IL17RD: variants seen among roughly 807,000 people sequenced by gnomAD.
The protein encoded by IL17RD is interleukin 17 receptor D.
IL17RD carries 52 observed loss-of-function variants against 80.5 expected under a neutral mutation model. The ratio of observed to expected loss-of-function variants is 0.65; its 90% confidence interval spans 0.52 to 0.81. The LOEUF (loss-of-function observed/expected upper bound fraction) is 0.81. Among genes scored for constraint, IL17RD ranks in the 40% least tolerant of loss-of-function variants. IL17RD has a pLI of 0.00. For missense variants in IL17RD, 1,024 were observed against 955.1 expected (o/e 1.07, Z -0.95); for synonymous variants, 416 against 391.8 (o/e 1.06, Z -0.73).
chr3:57,129,280 G>A (rs1398151421), intron 1 of IL17RD, among the ~76,000 whole-genome samples: 1 of 152,140 alleles, frequency 6.6e-6, no homozygotes, highest in Non-Finnish European at 1.5e-5. Context: ...AGCCGTGAAA[G>A]GAACAGTTAC....
At chr3:57,161,747 T>C (rs1202452373) in intron 1 of IL17RD, among the ~76,000 whole-genome samples, 1 of 152,152 alleles carries the variant, frequency 6.6e-6, no homozygotes, top group Non-Finnish European at 1.5e-5. Flanking sequence ...TCAGTATGAG[T>C]GACTGACACA....
In IL17RD at chr3:57,120,256, T is replaced by C. The variant is rs746785860; in HGVS notation, c.184A>G (p.Asn62Asp). The change falls in exon 2 of 13, where the codon AAT becomes GAT. Residue 62 changes from asparagine to aspartate, a missense_variant and splice_region_variant. By Grantham distance (23) the Asn-to-Asp change is conservative. Transcript: ENST00000296318. ...TTCAGCAATAAAGGCGGTTACTTAC[T>C]GTCATATTTGAAGGTGATGTTGTAC... ...GLYNITFKYD[N>D]CTTYLNPVGK... is the part of the protein sequence containing the mutation. 20 of 1,610,196 alleles carry C rather than the reference T, an allele frequency of 1.2e-5. No individual in the cohort carries two copies. Among genetic ancestry groups the C allele is most frequent in the Admixed American group, 3.3e-5 (2 of 59,998 alleles).
intron 4 of IL17RD, among the ~76,000 whole-genome samples, chr3:57,109,897 G>C (rs1319135562): frequency 1.3e-5 from 2 of 152,326 alleles, no homozygotes; most frequent in Admixed American, 6.5e-5. Flanking sequence ...TGTTAATACT[G>C]AACCTCAGAG....
chr3:57,115,100 T>C (rs1053858052), intron 2 of IL17RD, among the ~76,000 whole-genome samples: 1 of 152,166 alleles, frequency 6.6e-6, no homozygotes, highest in African/African-American at 2.4e-5. Flanking sequence ...GGAGTTTGTG[T>C]GTGTACCTGG....
chr3:57,093,947 C>G lies in IL17RD; in HGVS notation c.*2446G>C, dbSNP rs371964983. 1 of 152,210 alleles carries G rather than the reference C, an allele frequency of 6.6e-6. No individual in the cohort carries two copies. The highest frequency in any genetic ancestry group is 1.5e-5 in the Non-Finnish European group (1 of 68,050). 9.4% of individuals were successfully genotyped at this position (152,210 alleles called of 1,614,324 possible). A position where few individuals can be genotyped will look rare whatever the true frequency, so the allele number is the denominator to read the frequency against. On this transcript the variant is annotated 3_prime_UTR_variant, in exon 13 of 13. Transcript: ENST00000296318. ...CTGGAAACCTGGACTTATCCCTGGTCTCTTTTCTAGAGGACGTTGTCTAAC... is the reference window on the plus strand; with the variant it reads ...CTGGAAACCTGGACTTATCCCTGGTGTCTTTTCTAGAGGACGTTGTCTAAC...
At chr3:57,158,145 T>A (rs1331743614) in intron 1 of IL17RD, among the ~76,000 whole-genome samples, 1 of 152,252 alleles carries the variant, frequency 6.6e-6, no homozygotes, top group African/African-American at 2.4e-5. Context: ...GTTTTCAAAG[T>A]TGATACTTGA....
At chr3:57,150,692 G>A (rs147484906) in intron 1 of IL17RD, among the ~76,000 whole-genome samples, 104 of 152,046 alleles carry the variant, frequency 6.8e-4, no homozygotes, top group Non-Finnish European at 1.3e-3. Flanking sequence ...TGAGAGATCG[G>A]GACTCAAATT....
intron 1 of IL17RD, among the ~76,000 whole-genome samples, chr3:57,131,367 T>C (rs1235529735): frequency 6.6e-6 from 1 of 152,178 alleles, no homozygotes; most frequent in Admixed American, 6.5e-5. Flanking sequence ...ACCACCGTCC[T>C]GCCTTAAGAA....
At chr3:57,154,287 C>CATAT (rs1559486531) in intron 1 of IL17RD, among the ~76,000 whole-genome samples, 1 of 110,192 alleles carries the variant, frequency 9.1e-6, no homozygotes, top group Non-Finnish European at 1.9e-5. Context: ...TATATATACA[C>CATAT]ACACACACAC....
Position 57,105,899 on chromosome 3 carries a change from C to T in IL17RD, c.705G>A (p.Lys235=). ...FGFRFFYLHY[K]LKHEGPFKRK... is the part of the protein sequence containing the mutation. ...GCTTGAAAGGTCCTTCGTGCTTGAG[C>T]TTGTAGTGAAGATAGAAGAAACGGA... Residue 235 remains lysine (K), a synonymous_variant, in exon 7 of 13, where the codon AAG becomes AAA. Coordinates refer to ENST00000296318, the MANE Select transcript of IL17RD (RefSeq NM_017563.5). The T allele has an allele frequency of 6.2e-7, 1 of 1,613,916 alleles. No homozygotes were observed.
At chr3:57,133,528 C>G (rs1416413773) in intron 1 of IL17RD, among the ~76,000 whole-genome samples, 1 of 152,160 alleles carries the variant, frequency 6.6e-6, no homozygotes, top group African/African-American at 2.4e-5. Context: ...TTTCCTTGAA[C>G]CACTAAAATG....
intron 1 of IL17RD, among the ~76,000 whole-genome samples, chr3:57,152,216 C>T (rs184256466): frequency 4.6e-5 from 7 of 152,300 alleles, no homozygotes; most frequent in African/African-American, 1.2e-4. Flanking sequence ...TACCCTCACC[C>T]GACCTTTGTG....
rs1450732190 is a variant in IL17RD at position 57,094,076 on chromosome 3, G to A, written c.*2317C>T. The stretch of plus-strand genomic sequence containing the variant: ...ATATCTAAAAGCCTGTGACTTGGCA[G>A]AACGTTTTTCTGAATTTCATCTTAT... On this transcript the variant is annotated 3_prime_UTR_variant, in exon 13 of 13. Coordinates refer to ENST00000296318, the MANE Select transcript of IL17RD (RefSeq NM_017563.5). The A allele has an allele frequency of 6.6e-6, 1 of 152,178 alleles. No individual in the cohort carries two copies. 9.4% of individuals were successfully genotyped at this position (152,178 alleles called of 1,614,324 possible). A position where few individuals can be genotyped will look rare whatever the true frequency, so the allele number is the denominator to read the frequency against.
chr3:57,151,096 A>T (rs2107536437), intron 1 of IL17RD, among the ~76,000 whole-genome samples: 1 of 152,350 alleles, frequency 6.6e-6, no homozygotes, highest in South Asian at 2.1e-4. Context: ...AAATGCATTC[A>T]TTACTATGCT....
In IL17RD at chr3:57,120,303, G is replaced by A. The variant is rs374561511; in HGVS notation, c.137C>T (p.Pro46Leu). The change falls in exon 2 of 13, where the codon CCA becomes CTA. Residue 46 changes from proline to leucine, a missense_variant. Pro to Leu is a moderately conservative substitution (Grantham distance 98). Transcript: ENST00000296318. ...GTACAGCCCACTGTTTCTGCTGGCTGGCCCCACTCCCTGTGGGAAAACAAG... is the reference window on the plus strand; with the variant it reads ...GTACAGCCCACTGTTTCTGCTGGCTAGCCCCACTCCCTGTGGGAAAACAAG... ...ADTCGWRGVG[P>L]ASRNSGLYNI... The A allele has an allele frequency of 2.2e-5, 36 of 1,613,422 alleles. No individual in the cohort carries two copies. In the African/African-American group the frequency reaches 3.1e-4, roughly 14 times the overall value.
chr3:57,134,792 C>G (rs1257054133), intron 1 of IL17RD: 4 of 420,150 alleles, frequency 9.5e-6, no homozygotes, highest in Non-Finnish European at 1.8e-5. Flanking sequence ...ATAAAACAAG[C>G]CTTTACCTGC....
chr3:57,157,384 G>GCC (rs140113528), intron 1 of IL17RD, among the ~76,000 whole-genome samples: 7,378 of 152,236 alleles, frequency 0.048, 257 homozygotes, highest in Non-Finnish European at 0.081. Flanking sequence ...TGTTGTCCAG[G>GCC]CCCCTACTCC....
chr3:57,164,889 C>T (rs985290752), intron 1 of IL17RD: 2 of 1,216,020 alleles, frequency 1.6e-6, no homozygotes, highest in African/African-American at 1.6e-5. Context: ...GCCCCTCACG[C>T]CCGCCCTCTG....
At chr3:57,156,276 T>A (rs2060266490) in intron 1 of IL17RD, among the ~76,000 whole-genome samples, 1 of 144,188 alleles carries the variant, frequency 6.9e-6, no homozygotes, top group Non-Finnish European at 1.6e-5. Flanking sequence ...CCTATTTGTC[T>A]CCCCTACTAA....
Sources: allele counts gnomAD v4.1 joint callset (sites outside exome capture counted in the v4.1 genomes callset), GRCh38; gene constraint gnomAD v4.1.1; transcripts MANE v1.5; gene names NCBI Gene and HGNC (gene_info 2026-07-23, HGNC 2026-07-21).